Variants in TMTC3 observed in about 807,000 individuals in gnomAD.
The protein encoded by TMTC3 is transmembrane O-mannosyltransferase targeting cadherins 3, also known as protein O-mannosyl-transferase TMTC3.
TMTC3 carries 52 observed loss-of-function variants against 92.2 expected under a neutral mutation model. The ratio of observed to expected loss-of-function variants is 0.56; its 90% CI spans 0.45 to 0.71. The LOEUF (loss-of-function observed/expected upper bound fraction) is 0.71, where lower values mean the gene tolerates loss of function less well. TMTC3 is among the 30% of genes least tolerant of loss of function. TMTC3 has a pLI of 0.00. For synonymous variants in TMTC3, 339 were observed against 363.3 expected, an observed-to-expected ratio of 0.93 and a Z score of 0.76; for missense variants, 896 against 1,057.1, an observed-to-expected ratio of 0.85 and a Z score of 2.11.
At chr12:88,172,908 T>C in intron 8 of TMTC3, 163 bp downstream of exon 8, 1 of 1,506,648 alleles carries the variant, frequency 6.6e-7, no homozygotes, top group Non-Finnish European at 8.9e-7. Context: ...TTAGGAAAGC[T>C]CCATGGCACC....
chr12:88,192,944 A>C (rs1023453683), intron 13 of TMTC3, 114 bp downstream of exon 13: 5 of 797,338 alleles, frequency 6.3e-6, no homozygotes, highest in Middle Eastern at 3.8e-4. Context: ...AGTTTATAGC[A>C]ATACTGTGCT....
chr12:88,160,787 A>G lies in TMTC3; in HGVS notation c.733A>G (p.Ser245Gly). 1 of 1,613,550 alleles carries G rather than the reference A, an allele frequency of 6.2e-7. No homozygotes were observed. The highest frequency in any genetic ancestry group is 8.5e-7 in the Non-Finnish European group (1 of 1,179,706). ...TLVKLIVLMF[S>G]TLLLVVIRVQ... is the part of the protein sequence containing the mutation. ...AGTAAAACTCATTGTCTTGATGTTC[A>G]GTACATTATTACTTGTTGTGATTAG... The change falls in exon 6 of 14, where the codon AGT (serine) becomes GGT (glycine). Residue 245 changes from serine (S) to glycine (G), a missense_variant. Transcript: ENST00000266712.
rs1053518466 is a variant in TMTC3, at chr12:88,195,132, G to A, written c.2228G>A (p.Gly743Glu). ...PDHIKGLILK[G>E]DILMNQKKDI... ...CATATCAAGGGCCTCATTTTAAAAG[G>A]AGACATTCTGATGAATCAAAAGAAA... The change falls in exon 14 of 14, where the codon GGA becomes GAA. Residue 743 changes from glycine (G) to glutamate (E), a missense_variant. Transcript: ENST00000266712. 15 of 1,613,828 alleles carry A rather than the reference G, an allele frequency of 9.3e-6. No homozygotes were observed. The highest frequency in any genetic ancestry group is 1.2e-5 in the Non-Finnish European group (14 of 1,179,908).
chr12:88,160,714 G>C lies in TMTC3; in HGVS notation c.660G>C (p.Gln220His). Residue 220 changes from glutamine (Q) to histidine (H), a missense_variant, in exon 6 of 14, where the codon CAG (glutamine) becomes CAC (histidine). By Grantham distance (24) the Gln-to-His change is conservative. Transcript: ENST00000266712. ...TLPLLCTTAG[Q>H]FLRGKGSIPF... ...CATTACTATGTACTACTGCTGGACA[G>C]TTTCTCCGTGGAAAGGGTAGCATTC... The C allele has an allele frequency of 6.2e-7, 1 of 1,613,550 alleles. No homozygotes were observed. Among genetic ancestry groups the C allele is most frequent in the Non-Finnish European group, 8.5e-7 (1 of 1,179,748 alleles).
At chr12:88,145,157 GCTTA>G (rs2040857487) in intron 1 of TMTC3, among the ~76,000 whole-genome samples, 1 of 152,076 alleles carries the variant, frequency 6.6e-6, no homozygotes, top group East Asian at 1.9e-4. Flanking sequence ...AGTCATAGTA[GCTTA>G]CTTCTCCGAT....
intron 8 of TMTC3, 88 bp from the exon 9 acceptor site, chr12:88,174,519 A>T: frequency 7.1e-7 from 1 of 1,407,742 alleles, no homozygotes; most frequent in Non-Finnish European, 9.6e-7. Flanking sequence ...AGGAGCATTT[A>T]AGATACTTCT....
intron 8 of TMTC3, chr12:88,173,043 T>C (rs1381016160): frequency 7.5e-7 from 1 of 1,326,988 alleles, no homozygotes. Context: ...AAATGACCAT[T>C]GCCACTTCCA....
Position 88,195,364 on chromosome 12 carries a change from A to G in TMTC3, c.2460A>G (p.Ser820=), listed in dbSNP as rs752759029. The G allele has an allele frequency of 1.9e-6, 3 of 1,613,964 alleles. No homozygotes were observed. In the Admixed American group the frequency reaches 5.0e-5, roughly 27 times the overall value. Residue 820 remains serine (S), a synonymous_variant, in exon 14 of 14, where the codon TCA becomes TCG. Transcript: ENST00000266712. ...ATATAGTCAGGGATAAGATTTCCTC[A>G]TCTAGTTTTATAGAGCCAATATTCC... ...HLNIVRDKIS[S]SSFIEPIFPT...
chr12:88,149,689 C>T (rs2040917868), intron 2 of TMTC3, among the ~76,000 whole-genome samples: 1 of 152,102 alleles, frequency 6.6e-6, no homozygotes, highest in East Asian at 1.9e-4. Context: ...TTCCCCATTC[C>T]CCAAATTTGG....
At position 88,198,368 on chromosome 12, in the gene TMTC3, A is replaced by C. The variant is rs1205062420; in HGVS notation, c.*2719A>C. The C allele has an allele frequency of 2.5e-6, 1 of 397,986 alleles. No individual in the cohort carries two copies. The highest frequency in any genetic ancestry group is 4.4e-6 in the Non-Finnish European group (1 of 225,692). The allele number at this position is 397,986 out of a possible 1,614,324, so 24.7% of individuals were successfully genotyped here. ...TGGTGAATGGATAGTTTTAATTCTC[A>C]CTGTCTCAAAAGAGAATCAGCTCTC... On this transcript the variant is annotated 3_prime_UTR_variant, in exon 14 of 14. Coordinates refer to ENST00000266712, the MANE Select transcript of TMTC3 (RefSeq NM_181783.4).
In TMTC3 at chr12:88,160,819, G is replaced by A. The variant is rs1190064086; in HGVS notation, c.765G>A (p.Gln255=). The part of the protein sequence containing the change: ...STLLLVVIRV[Q]VIQSQLPVFT... ...TATTACTTGTTGTGATTAGAGTCCA[G>A]GTTATTCAATCCCAACTTCCAGTAT... The change falls in exon 6 of 14, where the codon CAG becomes CAA. Residue 255 remains glutamine, a synonymous_variant. Coordinates refer to ENST00000266712, the MANE Select transcript of TMTC3 (RefSeq NM_181783.4). 1 of 1,610,794 alleles carries A rather than the reference G, an allele frequency of 6.2e-7. No homozygotes were observed. Among genetic ancestry groups the A allele is most frequent in the Non-Finnish European group, 8.5e-7 (1 of 1,178,728 alleles).
At position 88,198,356 on chromosome 12, in the gene TMTC3, G is replaced by C. The variant is rs1015041570; in HGVS notation, c.*2707G>C. The stretch of plus-strand genomic sequence containing the variant: ...AGGTTTGTATGCTGGTGAATGGATA[G>C]TTTTAATTCTCACTGTCTCAAAAGA... On this transcript the variant is annotated 3_prime_UTR_variant, in exon 14 of 14. Coordinates refer to ENST00000266712, the MANE Select transcript of TMTC3 (RefSeq NM_181783.4). 2.5e-6 allele frequency: 1 copy of C among 397,952 alleles called. No individual in the cohort carries two copies. The highest frequency in any genetic ancestry group is 4.4e-5 in the Admixed American group (1 of 22,670). The allele number at this position is 397,952 out of a possible 1,614,324, so 24.7% of individuals were successfully genotyped here.
Position 88,147,809 on chromosome 12 carries a change from C to A in TMTC3, c.-28-479C>A, listed in dbSNP as rs11832220. On this transcript the variant is annotated intron_variant, in intron 1 of 13. Coordinates refer to ENST00000266712, the MANE Select transcript of TMTC3 (RefSeq NM_181783.4). ...TTGATTCCTGATCCTTACTCTGGAA[C>A]CTTTTTTATTTCCAGAAGCTTTTAG... is the stretch of plus-strand genomic sequence containing the variant. Among the ~76,000 whole-genome samples, 80 of 152,022 alleles carry A rather than the reference C, an allele frequency of 5.3e-4. 2 individuals are homozygous for A. The South Asian group carries it at 0.015, about 29-fold the overall frequency.
intron 6 of TMTC3, among the ~76,000 whole-genome samples, chr12:88,161,441 T>G (rs1057177468): frequency 1.3e-5 from 2 of 152,270 alleles, no homozygotes; most frequent in African/African-American, 4.8e-5. Flanking sequence ...TGTCTATGCT[T>G]TTATTTATAA....
At chr12:88,183,370 C>G (rs1162028385) in intron 10 of TMTC3, among the ~76,000 whole-genome samples, 2 of 152,084 alleles carry the variant, frequency 1.3e-5, no homozygotes, top group Non-Finnish European at 2.9e-5. Context: ...GTTCATATAC[C>G]CCATTGCCTT....
intron 8 of TMTC3, among the ~76,000 whole-genome samples, chr12:88,174,205 T>C: frequency 6.6e-6 from 1 of 152,106 alleles, no homozygotes. Context: ...GTATAAATTG[T>C]AAGTAAAACA....
In TMTC3 at chr12:88,198,390, T is replaced by C; in HGVS notation, c.*2741T>C. ...CTCACTGTCTCAAAAGAGAATCAGC[T>C]CTCCAGCAGTTCTAGAAAAGCTTTG... On this transcript the variant is annotated 3_prime_UTR_variant, in exon 14 of 14. Transcript: ENST00000266712. 5.0e-6 allele frequency: 2 copies of C among 398,094 alleles called. No individual in the cohort carries two copies. 24.7% of individuals were successfully genotyped at this position (398,094 alleles called of 1,614,324 possible). A position where few individuals can be genotyped will look rare whatever the true frequency, so the allele number is the denominator to read the frequency against.
intron 4 of TMTC3, among the ~76,000 whole-genome samples, chr12:88,155,177 C>T (rs527439619): frequency 1.3e-5 from 2 of 152,304 alleles, no homozygotes; most frequent in Admixed American, 1.3e-4. Flanking sequence ...TAGCATAGTA[C>T]TTAAAAGCAT....
intron 1 of TMTC3, among the ~76,000 whole-genome samples, chr12:88,144,697 A>AT (rs555132827): frequency 4.9e-4 from 75 of 152,284 alleles, no homozygotes; most frequent in South Asian, 2.7e-3. Context: ...TTCTAACAGT[A>AT]TTTTTTATCC....
Sources: gnomAD v4.1 joint callset for allele counts (sites outside exome capture counted in the v4.1 genomes callset) on GRCh38, gnomAD v4.1.1 for gene constraint, MANE v1.5 for transcripts, NCBI Gene and HGNC (gene_info 2026-07-23, HGNC 2026-07-21) for gene names.